Variants in EXOC6 observed in about 807,000 individuals in gnomAD.
The protein encoded by EXOC6 is exocyst complex component 6.
A neutral mutation model predicts 112.5 loss-of-function variants in EXOC6; 60 were observed. The ratio of observed to expected loss-of-function variants is 0.53; its 90% CI spans 0.43 to 0.66. EXOC6 has a LOEUF of 0.66. Among genes scored for constraint, EXOC6 ranks in the 30% least tolerant of loss-of-function variants. EXOC6 has a pLI of 0.00. For missense variants in EXOC6, 855 were observed against 957.1 expected, an observed-to-expected ratio of 0.89 and a Z score of 1.41; for synonymous variants, 295 against 308.0, an observed-to-expected ratio of 0.96 and a Z score of 0.44.
intron 4 of EXOC6, 42 bp from the exon 5 acceptor site, chr10:92,899,557 C>T (rs762986561): frequency 3.7e-6 from 5 of 1,351,484 alleles, no homozygotes; most frequent in Non-Finnish European, 5.1e-6. Context: ...AAAATATTTT[C>T]TTTTCATTTT....
chr10:93,047,428 C>T (rs758748403), intron 20 of EXOC6, among the ~76,000 whole-genome samples: 10 of 152,052 alleles, frequency 6.6e-5, no homozygotes, highest in East Asian at 3.9e-4. Context: ...CCTAGCTACT[C>T]GGGAGGCTGA....
intron 20 of EXOC6, among the ~76,000 whole-genome samples, chr10:93,041,137 T>C (rs1845751190): frequency 6.6e-6 from 1 of 152,212 alleles, no homozygotes; most frequent in Non-Finnish European, 1.5e-5. Flanking sequence ...AGAACCACTT[T>C]GCCATGTCCT....
chr10:93,058,280 A>C lies in EXOC6; in HGVS notation c.2340A>C (p.Arg780=). The C allele has an allele frequency of 6.2e-7, 1 of 1,612,016 alleles. No homozygotes were observed. The highest frequency in any genetic ancestry group is 2.2e-5 in the East Asian group (1 of 44,726). ...NIFAQFRKND[R]DKQKLIETVV... ...TTGCTCAGTTCAGGAAGAATGATCG[A>C]GACAAACAGAAGTTGATAGAGACAG... The change falls in exon 22 of 22, where the codon CGA becomes CGC. Residue 780 remains arginine (R), a synonymous_variant. Coordinates refer to ENST00000260762, the MANE Select transcript of EXOC6 (RefSeq NM_019053.6).
At chr10:92,842,658 T>G (rs1846900919) in intron 1 of EXOC6, among the ~76,000 whole-genome samples, 1 of 146,492 alleles carries the variant, frequency 6.8e-6, no homozygotes, top group African/African-American at 2.5e-5. Context: ...AAGGTAAGAG[T>G]AGGGAGCAGG....
At chr10:93,032,091 G>A (rs985029885) in intron 20 of EXOC6, among the ~76,000 whole-genome samples, 3 of 151,926 alleles carry the variant, frequency 2.0e-5, no homozygotes, top group Non-Finnish European at 2.9e-5. Flanking sequence ...CTTAGCCTTC[G>A]TCTCCACAGA....
chr10:92,979,236 C>T (rs1191006098), intron 18 of EXOC6, among the ~76,000 whole-genome samples: 6 of 152,198 alleles, frequency 3.9e-5, no homozygotes, highest in African/African-American at 9.7e-5. Flanking sequence ...TCTTGGCTCA[C>T]TGCAGCCTCT....
intron 1 of EXOC6, among the ~76,000 whole-genome samples, chr10:92,863,914 C>CAA (rs756843855): frequency 1.4e-4 from 7 of 50,694 alleles, no homozygotes; most frequent in Admixed American, 2.4e-4. Flanking sequence ...GACTCCATCT[C>CAA]AAAAAAAAAA....
At chr10:92,860,540 C>T (rs1026162332) in intron 1 of EXOC6, among the ~76,000 whole-genome samples, 1 of 152,098 alleles carries the variant, frequency 6.6e-6, no homozygotes, top group Non-Finnish European at 1.5e-5. Flanking sequence ...GGATGACAGG[C>T]GTGAGCCACT....
At chr10:92,908,094 C>G (rs985135728) in intron 5 of EXOC6, among the ~76,000 whole-genome samples, 1 of 103,832 alleles carries the variant, frequency 9.6e-6, no homozygotes, top group African/African-American at 3.9e-5. Context: ...GTTTCTTACT[C>G]TGTCACCCAC....
At chr10:93,047,113 G>A (rs1846031807) in intron 20 of EXOC6, among the ~76,000 whole-genome samples, 2 of 152,222 alleles carry the variant, frequency 1.3e-5, no homozygotes, top group African/African-American at 4.8e-5. Context: ...GATCTCTCTG[G>A]CAGCAGTGTG....
At chr10:92,998,499 A>AT (rs1210517852) in intron 19 of EXOC6, among the ~76,000 whole-genome samples, 4 of 152,114 alleles carry the variant, frequency 2.6e-5, no homozygotes, top group Non-Finnish European at 4.4e-5. Context: ...GAAATGACTG[A>AT]TTTTTTTCAA....
chr10:92,875,554 CAT>C (rs1297207346), intron 1 of EXOC6, among the ~76,000 whole-genome samples: 1 of 152,114 alleles, frequency 6.6e-6, no homozygotes, highest in Non-Finnish European at 1.5e-5. Flanking sequence ...TACTGTGTTA[CAT>C]AACAGAATGC....
chr10:92,985,598 C>A (rs904479220), intron 18 of EXOC6, among the ~76,000 whole-genome samples: 9 of 152,094 alleles, frequency 5.9e-5, no homozygotes, highest in Non-Finnish European at 1.2e-4. Context: ...AAGATTAGAT[C>A]ATCTCTAAAG....
intron 20 of EXOC6, among the ~76,000 whole-genome samples, chr10:93,016,327 G>T (rs1288859414): frequency 6.6e-6 from 1 of 151,054 alleles, no homozygotes; most frequent in African/African-American, 2.4e-5. Context: ...TTTTAGTAGA[G>T]ACGGGGTTTT....
chr10:92,866,311 C>T (rs943571078), intron 1 of EXOC6, among the ~76,000 whole-genome samples: 1 of 152,026 alleles, frequency 6.6e-6, no homozygotes, highest in Non-Finnish European at 1.5e-5. Context: ...CATGAGCACA[C>T]GTAATATAAA....
At chr10:92,993,595 A>G (rs902083732) in intron 18 of EXOC6, among the ~76,000 whole-genome samples, 5 of 152,218 alleles carry the variant, frequency 3.3e-5, no homozygotes, top group African/African-American at 1.2e-4. Flanking sequence ...AGAGTAGATC[A>G]TGAAAACATT....
intron 20 of EXOC6, among the ~76,000 whole-genome samples, chr10:93,015,622 A>C (rs1352362012): frequency 2.0e-5 from 3 of 152,216 alleles, no homozygotes. Context: ...AGTCCCAGCT[A>C]CTGGGGAGGC....
intron 5 of EXOC6, among the ~76,000 whole-genome samples, chr10:92,906,898 C>G (rs1850473493): frequency 6.6e-6 from 1 of 152,056 alleles, no homozygotes. Context: ...ATTACTGTTA[C>G]AATTTTGTAA....
At chr10:93,006,670 G>A (rs1843999095) in intron 19 of EXOC6, among the ~76,000 whole-genome samples, 1 of 152,072 alleles carries the variant, frequency 6.6e-6, no homozygotes, top group Non-Finnish European at 1.5e-5. Context: ...TCCTTCTAAC[G>A]ACACAGCTGG....
Sources: allele counts gnomAD v4.1 joint callset (sites outside exome capture counted in the v4.1 genomes callset), GRCh38; gene constraint gnomAD v4.1.1; transcripts MANE v1.5; gene names NCBI Gene and HGNC (gene_info 2026-07-23, HGNC 2026-07-21).